The following POLE variants were observed in gnomAD, a reference collection of about 807,000 sequenced individuals.
The protein encoded by POLE is DNA polymerase epsilon catalytic subunit A.
Under a neutral mutation model 279.2 loss-of-function variants are expected in POLE, and 188 were observed. The observed-to-expected ratio is 0.67, with a 90% CI of 0.60 to 0.76. The LOEUF is 0.76. POLE is among the 30% of genes least tolerant of loss of function. The probability of loss-of-function intolerance (pLI) is 0.00; values close to 1 mark genes in which losing one functional copy is unlikely to be tolerated. For synonymous variants in POLE, 1,214 were observed against 1,172.5 expected (o/e 1.04, Z -0.72); for missense variants, 2,703 against 3,016.7 (o/e 0.90, Z 2.44).
rs372388555 is a variant in POLE at position 132,642,699 on chromosome 12, C to T, written c.4759G>A (p.Val1587Ile). 29 of 1,613,692 alleles carry T rather than the reference C, an allele frequency of 1.8e-5. No individual in the cohort carries two copies. In the African/African-American group the frequency reaches 3.3e-4, roughly 19 times the overall value. Residue 1587 changes from valine (V) to isoleucine (I), a missense_variant, in exon 37 of 49, where the codon GTT (valine) becomes ATT (isoleucine). Val to Ile is a conservative substitution (Grantham distance 29). Transcript: ENST00000320574. ...EERRGPTLIA[V>I]QSSWELKRLA... is the part of the protein sequence containing the mutation. ...CTCTTCAGCTCCCAGCTGGACTGAA[C>T]AGCGATGAGTGTGGGCCCCCGGCGC...
intron 29 of POLE, among the ~76,000 whole-genome samples, chr12:132,656,313 T>A (rs74386341): frequency 0.077 from 11,697 of 151,726 alleles, 600 homozygotes; most frequent in Non-Finnish European, 0.11. Context: ...TATATAACTC[T>A]TACAAATAAG....
rs1009693858 is a variant in POLE at position 132,637,152 on chromosome 12, C to A, written c.5678+862G>T. ...GGGCCACAGTGGGTCTGCAGGAGGA[C>A]AACAGTGCTTTTGTGTTTCAAATTA... is the stretch of plus-strand genomic sequence containing the variant. On this transcript the variant is annotated intron_variant, in intron 41 of 48. Coordinates refer to ENST00000320574, the MANE Select transcript of POLE (RefSeq NM_006231.4). Among the ~76,000 whole-genome samples, 8 of 152,360 alleles carry A rather than the reference C, an allele frequency of 5.3e-5. No individual in the cohort carries two copies. The East Asian group carries it at 1.5e-3, about 29-fold the overall frequency.
intron 23 of POLE, among the ~76,000 whole-genome samples, chr12:132,663,627 G>A (rs2042726383): frequency 6.6e-6 from 1 of 152,214 alleles, no homozygotes; most frequent in Admixed American, 6.5e-5. Context: ...GGTGAGGCCT[G>A]CAGTGCAGTT....
chr12:132,635,566 C>T (rs148085859), intron 42 of POLE, among the ~76,000 whole-genome samples: 2 of 152,384 alleles, frequency 1.3e-5, no homozygotes, highest in African/African-American at 4.8e-5. Flanking sequence ...TGTGCTTTGC[C>T]TCCCTGGTGT....
At chr12:132,650,266 TAGTATA>T (rs780887308) in intron 29 of POLE, 28 of 248,444 alleles carry the variant, frequency 1.1e-4, no homozygotes, top group African/African-American at 1.3e-4. Context: ...TCTCGAAATC[TAGTATA>T]AGTATATCAC....
chr12:132,670,168 C>T (rs1447024817), intron 16 of POLE, among the ~76,000 whole-genome samples: 2 of 151,606 alleles, frequency 1.3e-5, no homozygotes, highest in Admixed American at 6.6e-5. Flanking sequence ...GTCGGGAGTT[C>T]GAGACCAGCC....
Position 132,635,781 on chromosome 12 carries a change from G to A in POLE, c.5811+111C>T, listed in dbSNP as rs2042019360. ...TTCATGAGGGCAGGATGCGGGTGCA[G>A]TGTCTGCTGCTCACGGCCAGGCCCG... On this transcript the variant is annotated intron_variant, in intron 42 of 48. Coordinates refer to ENST00000320574, the MANE Select transcript of POLE (RefSeq NM_006231.4). 5.5e-6 allele frequency: 6 copies of A among 1,085,068 alleles called. No individual in the cohort carries two copies. The African/African-American group carries it at 6.3e-5, about 11-fold the overall frequency. The allele number at this position is 1,085,068 out of a possible 1,614,324, so 67.2% of individuals were successfully genotyped here.
In POLE at chr12:132,668,427, T is replaced by A. The variant is rs1220109949; in HGVS notation, c.2102A>T (p.Glu701Val). The A allele has an allele frequency of 6.2e-7, 1 of 1,612,520 alleles. No individual in the cohort carries two copies. ...ESEKFPPLFP[E>V]GPARAFHELS... is the part of the protein sequence containing the mutation. The stretch of plus-strand genomic sequence containing the variant: ...TTCATGAAAGGCCCGAGCTGGCCCC[T>A]CTGGGAACAAGGGGGGGAACTTCTC... The change falls in exon 19 of 49, where the codon GAG becomes GTG. Residue 701 changes from glutamate to valine, a missense_variant. By Grantham distance (121) the Glu-to-Val change is moderately radical (BLOSUM62 -2). Coordinates refer to ENST00000320574, the MANE Select transcript of POLE (RefSeq NM_006231.4). The surrounding 1 kb of genome is among the most constrained non-coding windows in gnomAD (Gnocchi z 4.0).
At chr12:132,629,798 T>A (rs866353251) in intron 45 of POLE, among the ~76,000 whole-genome samples, 4 of 152,378 alleles carry the variant, frequency 2.6e-5, no homozygotes, top group Middle Eastern at 6.8e-3. Flanking sequence ...CCTTTGCAGT[T>A]GACTTGGCTA....
At chr12:132,682,158 G>A (rs969494754) in intron 1 of POLE, among the ~76,000 whole-genome samples, 4 of 152,116 alleles carry the variant, frequency 2.6e-5, no homozygotes, top group African/African-American at 7.2e-5. Flanking sequence ...GCCAGGCGTG[G>A]TGGTGGGTGC....
At chr12:132,685,607 T>C (rs887465804) in intron 1 of POLE, among the ~76,000 whole-genome samples, 2 of 152,238 alleles carry the variant, frequency 1.3e-5, no homozygotes, top group Non-Finnish European at 2.9e-5. Flanking sequence ...CTGGAGGCCA[T>C]CACTGAGCTT....
At chr12:132,680,323 G>A (rs568059328) in intron 3 of POLE, 101 bp from the exon 4 acceptor site, 1 of 1,078,776 alleles carries the variant, frequency 9.3e-7, no homozygotes, top group Admixed American at 1.7e-5. Flanking sequence ...AACAGCCTAG[G>A]GCCAGGGTAG....
rs778501724 is a variant in POLE at position 132,675,397 on chromosome 12, C to T, written c.1226+1G>A. 1.9e-6 allele frequency: 3 copies of T among 1,613,838 alleles called. No individual in the cohort carries two copies. The highest frequency in any genetic ancestry group is 2.2e-5 in the South Asian group (2 of 91,050). On this transcript the variant is annotated splice_donor_variant, in intron 12 of 48. Transcript: ENST00000320574. LOFTEE classifies it high-confidence loss of function. The surrounding 1 kb of genome is among the most constrained non-coding windows in gnomAD (Gnocchi z 4.3). Reference sequence around the variant, plus strand: ...GAGCCATGCTGCTCTGTGGCCCCTACCTGAGGCAGTCCATGTGGATGCACT... The same window carrying T: ...GAGCCATGCTGCTCTGTGGCCCCTATCTGAGGCAGTCCATGTGGATGCACT...
At chr12:132,654,232 G>A (rs991765642) in intron 29 of POLE, among the ~76,000 whole-genome samples, 9 of 143,152 alleles carry the variant, frequency 6.3e-5, no homozygotes, top group African/African-American at 2.1e-4. Context: ...ATTTTTTTTC[G>A]TCTCTTTTTT....
chr12:132,680,265 GA>G, intron 3 of POLE, 43 bp from the exon 4 acceptor site: 1 of 1,567,962 alleles, frequency 6.4e-7, no homozygotes. Flanking sequence ...TGAGAAAGAA[GA>G]AAGCGAGAGA....
intron 45 of POLE, 41 bp downstream of exon 45, chr12:132,632,274 A>G (rs1036370732): frequency 8.7e-6 from 13 of 1,491,416 alleles, no homozygotes; most frequent in Non-Finnish European, 1.2e-5. Context: ...TTACACATGT[A>G]CGTTAGTGTC....
At chr12:132,625,042 G>A (rs1360437853) in intron 47 of POLE, 48 bp from the exon 48 acceptor site, 1 of 1,410,998 alleles carries the variant, frequency 7.1e-7, no homozygotes, top group African/African-American at 1.4e-5. Flanking sequence ...GCGCTGGCCA[G>A]ACCTGCCTGC....
intron 1 of POLE, among the ~76,000 whole-genome samples, chr12:132,686,711 G>A (rs910911741): frequency 6.6e-6 from 1 of 152,100 alleles, no homozygotes; most frequent in Non-Finnish European, 1.5e-5. Context: ...CTCCAGCCTG[G>A]GCGACAGAGC....
chr12:132,682,042 T>C (rs957445749), intron 1 of POLE, among the ~76,000 whole-genome samples: 1 of 151,906 alleles, frequency 6.6e-6, no homozygotes. Flanking sequence ...AAAAATTAAA[T>C]CCCAGCACCG....
Sources: gnomAD v4.1 joint callset for allele counts (sites outside exome capture counted in the v4.1 genomes callset) on GRCh38, gnomAD v4.1.1 for gene constraint, Gnocchi (gnomAD v3.1) non-coding constraint, MANE v1.5 for transcripts, NCBI Gene and HGNC (gene_info 2026-07-23, HGNC 2026-07-21) for gene names.